The following DIXDC1 variants were observed in gnomAD, a reference collection of about 807,000 sequenced individuals.
DIXDC1 encodes the protein dixin.
Under a neutral mutation model 103.1 loss-of-function variants are expected in DIXDC1, and 64 were observed. That is an observed-to-expected ratio of 0.62 (90% confidence interval 0.51 to 0.76). The LOEUF is 0.76. Among genes scored for constraint, DIXDC1 ranks in the 30% least tolerant of loss-of-function variants. The pLI, the probability that DIXDC1 is intolerant of heterozygous loss-of-function variation, is 0.00. For missense variants in DIXDC1, 759 were observed against 834.2 expected (o/e 0.91, Z 1.11); for synonymous variants, 266 against 298.5 (o/e 0.89, Z 1.12).
chr11:111,996,754 G>A (rs1366189354), intron 17 of DIXDC1, among the ~76,000 whole-genome samples: 3 of 152,182 alleles, frequency 2.0e-5, no homozygotes, highest in African/African-American at 2.4e-5. Flanking sequence ...TGAGGCTGAG[G>A]CAAGAGAATC....
At chr11:111,933,878 A>C (rs997197061), upstream of DIXDC1, among the ~76,000 whole-genome samples, 17 of 152,188 alleles carry the variant, frequency 1.1e-4, no homozygotes, top group Non-Finnish European at 2.1e-4. Context: ...TGCAGAGAGA[A>C]GTCACAGGCA....
intron 1 of DIXDC1, among the ~76,000 whole-genome samples, chr11:111,949,317 A>G (rs1348651084): frequency 1.3e-5 from 2 of 152,146 alleles, no homozygotes; most frequent in African/African-American, 4.8e-5. Context: ...AGACTCTCTC[A>G]AAACCGAGCC....
At chr11:111,962,029 G>A (rs1555171138) in intron 1 of DIXDC1, among the ~76,000 whole-genome samples, 1 of 152,208 alleles carries the variant, frequency 6.6e-6, no homozygotes, top group East Asian at 1.9e-4. Context: ...CAGCCTGCAA[G>A]CTGGGGCTTG....
chr11:111,941,089 A>T (rs587661376), intron 1 of DIXDC1, among the ~76,000 whole-genome samples: 21 of 152,148 alleles, frequency 1.4e-4, no homozygotes, highest in African/African-American at 4.8e-4. Context: ...TGGTGACCGC[A>T]CTCCGGCTTA....
At chr11:111,989,116 G>A (rs1005393146) in intron 10 of DIXDC1, 61 bp downstream of exon 10, 1 of 1,410,520 alleles carries the variant, frequency 7.1e-7, no homozygotes, top group Non-Finnish European at 9.5e-7. Flanking sequence ...TAGTCTGTTG[G>A]TGAGTGGTGA....
chr11:112,014,697 T>TA (rs1555177543), intron 17 of DIXDC1, among the ~76,000 whole-genome samples: 1 of 152,198 alleles, frequency 6.6e-6, no homozygotes, highest in African/African-American at 2.4e-5. Context: ...CACATATAGT[T>TA]TATTTTTATA....
intron 19 of DIXDC1, among the ~76,000 whole-genome samples, chr11:112,018,621 T>G (rs1555178052): frequency 6.6e-6 from 1 of 152,198 alleles, no homozygotes; most frequent in Non-Finnish European, 1.5e-5. Context: ...TTACATTGCC[T>G]GGTAACTAAA....
At chr11:111,989,232 G>A (rs766542766) in intron 10 of DIXDC1, among the ~76,000 whole-genome samples, 177 bp downstream of exon 10, 1 of 152,158 alleles carries the variant, frequency 6.6e-6, no homozygotes, top group African/African-American at 2.4e-5. Context: ...TTGTTTTGCT[G>A]AGGCTTATTT....
chr11:111,991,950 A>T (rs1045281857), intron 10 of DIXDC1, among the ~76,000 whole-genome samples: 11 of 152,188 alleles, frequency 7.2e-5, no homozygotes, highest in Non-Finnish European at 1.5e-4. Context: ...AGGTAGAAGG[A>T]AAAACAGCTA....
chr11:111,960,806 T>G (rs1238853255), intron 1 of DIXDC1, among the ~76,000 whole-genome samples: 1 of 152,078 alleles, frequency 6.6e-6, no homozygotes, highest in African/African-American at 2.4e-5. Flanking sequence ...TGATTCTGGT[T>G]GTTAACCAAG....
At chr11:111,932,586 CA>C (rs1279927247), upstream of DIXDC1, among the ~76,000 whole-genome samples, 3,448 of 65,538 alleles carry the variant, frequency 0.053, 117 homozygotes, top group African/African-American at 0.15. Flanking sequence ...GACTCCGTCT[CA>C]AAAAAAAAAA....
rs1157072236 is a variant in DIXDC1, at chr11:111,995,487, G to A, written c.1612G>A (p.Asp538Asn). 3 of 1,613,970 alleles carry A rather than the reference G, an allele frequency of 1.9e-6. No individual in the cohort carries two copies. Among genetic ancestry groups the A allele is most frequent in the Non-Finnish European group, 2.5e-6 (3 of 1,179,908 alleles). ...SGHDPQHHTIDSLEQGISSLM... is the reference protein window; with the variant it reads ...SGHDPQHHTINSLEQGISSLM... ...CCACGATCCTCAGCACCACACTATT[G>A]ACAGCTTGGAGCAGGGCATTTCTAG... is the stretch of plus-strand genomic sequence containing the variant. The change falls in exon 16 of 20, where the codon GAC (aspartate) becomes AAC (asparagine). Residue 538 changes from aspartate to asparagine, a missense_variant. Transcript: ENST00000440460.
chr11:111,997,123 A>T (rs1860927154), intron 17 of DIXDC1, among the ~76,000 whole-genome samples: 1 of 152,244 alleles, frequency 6.6e-6, no homozygotes, highest in African/African-American at 2.4e-5. Flanking sequence ...ATAAAAACCA[A>T]ATAGTAAAAA....
chr11:111,949,725 G>A (rs1384268904), intron 1 of DIXDC1, among the ~76,000 whole-genome samples: 1 of 152,102 alleles, frequency 6.6e-6, no homozygotes, highest in Non-Finnish European at 1.5e-5. Context: ...CCGCCCACAC[G>A]CTACCCCCTC....
Position 112,019,017 on chromosome 11 carries a change from A to G in DIXDC1, c.2033A>G (p.Glu678Gly). ...GGGAAAATTGTAGCTTGGGTGGAAG[A>G]AGACCATGGAGAGAATTAATGCCAA... ...WEGKIVAWVE[E>G]DHGEN Residue 678 changes from glutamate to glycine, a missense_variant, in exon 20 of 20, where the codon GAA becomes GGA. Physicochemically the swap from Glu to Gly is moderately conservative, Grantham distance 98. Coordinates refer to ENST00000440460, the MANE Select transcript of DIXDC1 (RefSeq NM_001037954.4). 6.2e-7 allele frequency: 1 copy of G among 1,613,358 alleles called. No individual in the cohort carries two copies. Among genetic ancestry groups the G allele is most frequent in the South Asian group, 1.1e-5 (1 of 91,018 alleles).
chr11:111,945,016 A>C (rs1376237625), intron 1 of DIXDC1, among the ~76,000 whole-genome samples: 1 of 152,216 alleles, frequency 6.6e-6, no homozygotes, highest in Admixed American at 6.5e-5. Context: ...CAAAAACCCA[A>C]CTTGAACTAG....
upstream of DIXDC1, among the ~76,000 whole-genome samples, chr11:111,936,584 T>C (rs1398296620): frequency 6.6e-6 from 1 of 152,238 alleles, no homozygotes; most frequent in African/African-American, 2.4e-5. Context: ...CGATCCTGCG[T>C]GATGTTTAGC....
intron 10 of DIXDC1, among the ~76,000 whole-genome samples, chr11:111,991,131 C>G (rs1860699760): frequency 1.3e-5 from 2 of 152,240 alleles, no homozygotes; most frequent in South Asian, 4.1e-4. Flanking sequence ...CTAGACTATT[C>G]ACTCAGCAAC....
intron 1 of DIXDC1, among the ~76,000 whole-genome samples, chr11:111,943,897 A>G (rs1966506447): frequency 6.6e-6 from 1 of 152,226 alleles, no homozygotes. Flanking sequence ...AGACTTCTGT[A>G]CAAAGAACCT....
Sources: allele counts gnomAD v4.1 joint callset (sites outside exome capture counted in the v4.1 genomes callset), GRCh38; gene constraint gnomAD v4.1.1; transcripts MANE v1.5; gene names NCBI Gene and HGNC (gene_info 2026-07-23, HGNC 2026-07-21).